Variants in GMPPB observed in about 807,000 individuals in gnomAD.
The protein encoded by GMPPB is GDP-mannose pyrophosphorylase B.
A neutral mutation model predicts 40.3 loss-of-function variants in GMPPB; 38 were observed. The observed-to-expected ratio is 0.94, with a 90% CI of 0.73 to 1.24. The LOEUF (loss-of-function observed/expected upper bound fraction) is 1.24, where lower values mean the gene tolerates loss of function less well. Among genes scored for constraint, GMPPB ranks in the 50% most tolerant of loss-of-function variants. The pLI is 0.00. For synonymous variants in GMPPB, 193 were observed against 191.8 expected, an observed-to-expected ratio of 1.01 and a Z score of -0.05; for missense variants, 436 against 487.1, an observed-to-expected ratio of 0.90 and a Z score of 0.99.
rs781037630 is a variant in GMPPB, at chr3:49,721,710, C to CTGA, written c.*39_*41dup. The CTGA allele has an allele frequency of 6.4e-7, 1 of 1,555,734 alleles. No homozygotes were observed. Among genetic ancestry groups the CTGA allele is most frequent in the Non-Finnish European group, 8.7e-7 (1 of 1,152,394 alleles). On this transcript the variant is annotated 3_prime_UTR_variant, in exon 9 of 9. Transcript: ENST00000308388. ...ATGTGTCAGGCCAGCACTCCCCTTG[C>CTGA]TGATGGGAAAACCGGGGCTCGGCCA...
In GMPPB at chr3:49,723,810, G is replaced by T; in HGVS notation, c.-84C>A. On this transcript the variant is annotated 5_prime_UTR_variant, in exon 1 of 9. Coordinates refer to ENST00000308388, the MANE Select transcript of GMPPB (RefSeq NM_021971.4). Reference sequence around the variant, plus strand: ...CCGGTCCCTGCCGCGCACTCCCAACGCCGTGCCCGGCCCCGCGCCCTTCAC... The same window carrying T: ...CCGGTCCCTGCCGCGCACTCCCAACTCCGTGCCCGGCCCCGCGCCCTTCAC... 1.4e-6 allele frequency: 2 copies of T among 1,424,098 alleles called. No individual in the cohort carries two copies. The highest frequency in any genetic ancestry group is 2.5e-5 in the East Asian group (1 of 40,114). The allele number at this position is 1,424,098 out of a possible 1,614,324, so 88.2% of individuals were successfully genotyped here. A position where few individuals can be genotyped will look rare whatever the true frequency, so the allele number is the denominator to read the frequency against.
In GMPPB at chr3:49,721,753, C is replaced by CA; in HGVS notation, c.1081dup (p.Ter361LeufsTer22). 1 of 1,598,244 alleles carries CA rather than the reference C, an allele frequency of 6.3e-7. No individual in the cohort carries two copies. Among genetic ancestry groups the CA allele is most frequent in the Non-Finnish European group, 8.5e-7 (1 of 1,175,340 alleles). On this transcript the variant is annotated frameshift_variant and stop_lost, in exon 9 of 9. Coordinates refer to ENST00000308388, the MANE Select transcript of GMPPB (RefSeq NM_021971.4). LOFTEE classifies it high-confidence loss of function. ...CTCGGCCAGCCCCACTGCATCCCCT[C>CA]ACATGATGATACGAGGCTCTGGCAC...
chr3:49,723,270 C>T lies in GMPPB; in HGVS notation c.243G>A (p.Glu81=), dbSNP rs771025862. Residue 81 remains glutamate, a synonymous_variant, in exon 3 of 9, where the codon GAG becomes GAA. Transcript: ENST00000308388. ...TCTACTGACCTGTCCCCAAAGGCTC[C>T]TCTTCATGGGACATGGAGATTCGGA... The part of the protein sequence containing the change: ...LGIRISMSHE[E]EPLGTAGPLA... 1.9e-6 allele frequency: 3 copies of T among 1,614,208 alleles called. No individual in the cohort carries two copies. The South Asian group carries it at 3.3e-5, about 18-fold the overall frequency.
At chr3:49,722,895 C>A in intron 4 of GMPPB, 77 bp downstream of exon 4, 2 of 1,541,532 alleles carry the variant, frequency 1.3e-6, no homozygotes, top group South Asian at 1.2e-5. Context: ...CATCCGAAGG[C>A]AGATGAAGGC....
In GMPPB at chr3:49,722,597, T is replaced by C. The variant is rs1300206558; in HGVS notation, c.560A>G (p.Gln187Arg). 6.2e-7 allele frequency: 1 copy of C among 1,613,896 alleles called. No individual in the cohort carries two copies. The highest frequency in any genetic ancestry group is 1.1e-5 in the South Asian group (1 of 91,058). The change falls in exon 5 of 9, where the codon CAG becomes CGG. Residue 187 changes from glutamine to arginine, a missense_variant and splice_region_variant. Coordinates refer to ENST00000308388, the MANE Select transcript of GMPPB (RefSeq NM_021971.4). ...ILSPAVLQRI[Q>R]LQPTSIEKEV... ...CACCAACAGCTGTCTCCTACACACCTGGATGCGCTGCAGCACTGCAGGGCT... is the reference window on the plus strand; with the variant it reads ...CACCAACAGCTGTCTCCTACACACCCGGATGCGCTGCAGCACTGCAGGGCT...
rs752805529 is a variant in GMPPB at position 49,722,679 on chromosome 3, C to T, written c.478G>A (p.Val160Met). 1.7e-5 allele frequency: 28 copies of T among 1,613,822 alleles called. No homozygotes were observed. Among genetic ancestry groups the T allele is most frequent in the East Asian group, 4.5e-5 (2 of 44,904 alleles). Residue 160 changes from valine (V) to methionine (M), a missense_variant, in exon 5 of 9, where the codon GTG becomes ATG. Physicochemically the swap from Val to Met is conservative, Grantham distance 21. Coordinates refer to ENST00000308388, the MANE Select transcript of GMPPB (RefSeq NM_021971.4). Reference protein sequence around the residue: ...EADTGRIHRFVEKPQVFVSNK... With the variant: ...EADTGRIHRFMEKPQVFVSNK... ...GACACAAACACCTGTGGCTTCTCCA[C>T]GAACCGGTGAATGCGGCCTGTGTCA... is the stretch of plus-strand genomic sequence containing the variant.
Position 49,720,938 on chromosome 3 carries a change from T to C in GMPPB, c.*814A>G. On this transcript the variant is annotated 3_prime_UTR_variant, in exon 9 of 9. Transcript: ENST00000308388. ...CACAGGTCCATGCCACTTGAATATGTGTGCACTCCTACACAGGCACAACGG... is the reference window on the plus strand; with the variant it reads ...CACAGGTCCATGCCACTTGAATATGCGTGCACTCCTACACAGGCACAACGG... 6.2e-7 allele frequency: 1 copy of C among 1,611,202 alleles called. No homozygotes were observed.
Position 49,721,851 on chromosome 3 carries a change from C to G in GMPPB, c.984G>C (p.Glu328Asp). ...VRMENVTVLG[E>D]DVIVNDELYL... ...AGAGCTCATCATTAACTATGACGTCCTCACCCAGCACTGTCACGTTCTCCA... is the reference window on the plus strand; with the variant it reads ...AGAGCTCATCATTAACTATGACGTCGTCACCCAGCACTGTCACGTTCTCCA... Residue 328 changes from glutamate to aspartate, a missense_variant, in exon 9 of 9, where the codon GAG becomes GAC. Physicochemically the swap from Glu to Asp is conservative, Grantham distance 45. Coordinates refer to ENST00000308388, the MANE Select transcript of GMPPB (RefSeq NM_021971.4). 6.2e-7 allele frequency: 1 copy of G among 1,613,942 alleles called. No individual in the cohort carries two copies. The highest frequency in any genetic ancestry group is 8.5e-7 in the Non-Finnish European group (1 of 1,179,982).
chr3:49,720,411 G>A lies in GMPPB; in HGVS notation c.*1341C>T. On this transcript the variant is annotated 3_prime_UTR_variant, in exon 9 of 9. Coordinates refer to ENST00000308388, the MANE Select transcript of GMPPB (RefSeq NM_021971.4). ...GAGACGGAAAGGATGCAGGGGGGGT[G>A]ATCATGTACGAGCCATGGCACTCCT... is the stretch of plus-strand genomic sequence containing the variant. 1 of 1,223,982 alleles carries A rather than the reference G, an allele frequency of 8.2e-7. No individual in the cohort carries two copies. The highest frequency in any genetic ancestry group is 1.1e-6 in the Non-Finnish European group (1 of 913,610). 75.8% of individuals were successfully genotyped at this position (1,223,982 alleles called of 1,614,324 possible).
rs1414657728 is a variant in GMPPB, at chr3:49,720,663, C to T, written c.*1089G>A. The T allele has an allele frequency of 1.3e-6, 2 of 1,595,796 alleles. No individual in the cohort carries two copies. Among genetic ancestry groups the T allele is most frequent in the Non-Finnish European group, 1.7e-6 (2 of 1,166,916 alleles). On this transcript the variant is annotated 3_prime_UTR_variant, in exon 9 of 9. Transcript: ENST00000308388. ...TTCTCCCTGCAGAGCTGTGAGTGGG[C>T]TGGTGGGGCAGGTCAGGGAAATCTG...
At position 49,723,815 on chromosome 3, in the gene GMPPB, G is replaced by A; in HGVS notation, c.-89C>T. The A allele has an allele frequency of 2.8e-6, 4 of 1,411,228 alleles. No homozygotes were observed. The highest frequency in any genetic ancestry group is 1.4e-5 in the South Asian group (1 of 69,248). The allele number at this position is 1,411,228 out of a possible 1,614,324, so 87.4% of individuals were successfully genotyped here. On this transcript the variant is annotated 5_prime_UTR_variant, in exon 1 of 9. Transcript: ENST00000308388. ...CCCTGCCGCGCACTCCCAACGCCGT[G>A]CCCGGCCCCGCGCCCTTCACCAACC... is the stretch of plus-strand genomic sequence containing the variant.
At position 49,722,476 on chromosome 3, in the gene GMPPB, G is replaced by C. The variant is rs765573379; in HGVS notation, c.596C>G (p.Pro199Arg). The C allele has an allele frequency of 2.2e-5, 36 of 1,614,050 alleles. No homozygotes were observed. Among genetic ancestry groups the C allele is most frequent in the Non-Finnish European group, 3.0e-5 (35 of 1,180,032 alleles). Residue 199 changes from proline to arginine, a missense_variant, in exon 6 of 9, where the codon CCC becomes CGC. By Grantham distance (103) the Pro-to-Arg change is moderately radical (BLOSUM62 -2). Transcript: ENST00000308388. ...TAGCTGCCCCTCCTTGGCCATAATG[G>C]GGAAGACCTCCTTCTCAATGGACGT... Reference protein sequence around the residue: ...QPTSIEKEVFPIMAKEGQLYA... With the variant: ...QPTSIEKEVFRIMAKEGQLYA...
At chr3:49,722,817 G>T (rs756683883) in intron 4 of GMPPB, 63 bp from the exon 5 acceptor site, 82 of 1,551,914 alleles carry the variant, frequency 5.3e-5, no homozygotes, top group Non-Finnish European at 7.0e-5. Flanking sequence ...TACACATGCC[G>T]TTCCAGATCT....
chr3:49,723,946 G>A lies in GMPPB; in HGVS notation c.-220C>T, dbSNP rs930193729. 1 of 467,082 alleles carries A rather than the reference G, an allele frequency of 2.1e-6. No homozygotes were observed. Among genetic ancestry groups the A allele is most frequent in the Non-Finnish European group, 3.7e-6 (1 of 268,788 alleles). The allele number at this position is 467,082 out of a possible 1,614,324, so 28.9% of individuals were successfully genotyped here. A position where few individuals can be genotyped will look rare whatever the true frequency, so the allele number is the denominator to read the frequency against. On this transcript the variant is annotated 5_prime_UTR_variant, in exon 1 of 9. Coordinates refer to ENST00000308388, the MANE Select transcript of GMPPB (RefSeq NM_021971.4). ...CACCGGGTAGACGGCTGCTGGCCCCGAACTCAGGCCGGACCCGGCGCGGGC... is the reference window on the plus strand; with the variant it reads ...CACCGGGTAGACGGCTGCTGGCCCCAAACTCAGGCCGGACCCGGCGCGGGC...
intron 7 of GMPPB, 39 bp downstream of exon 7, chr3:49,722,192 G>C (rs201000786): frequency 1.9e-6 from 3 of 1,608,464 alleles, no homozygotes; most frequent in South Asian, 2.2e-5. Flanking sequence ...TGTCTCCCAA[G>C]ACTGAGGGGG....
Position 49,721,965 on chromosome 3 carries a change from C to G in GMPPB, c.951G>C (p.Trp317Cys). ...CACCCAGCCCAGCCCACAGGCTTAC[C>G]CACTGACCCACGCGGCAGCGCCAGC... ...IVGWRCRVGQ[W>C]VRMENVTVLG... Residue 317 changes from tryptophan (W) to cysteine (C), a missense_variant and splice_region_variant, in exon 8 of 9, where the codon TGG becomes TGC. Physicochemically the swap from Trp to Cys is radical, Grantham distance 215. Coordinates refer to ENST00000308388, the MANE Select transcript of GMPPB (RefSeq NM_021971.4). 1 of 1,613,076 alleles carries G rather than the reference C, an allele frequency of 6.2e-7. No individual in the cohort carries two copies. The highest frequency in any genetic ancestry group is 8.5e-7 in the Non-Finnish European group (1 of 1,179,564).
chr3:49,721,188 C>T lies in GMPPB; in HGVS notation c.*564G>A. On this transcript the variant is annotated 3_prime_UTR_variant, in exon 9 of 9. Coordinates refer to ENST00000308388, the MANE Select transcript of GMPPB (RefSeq NM_021971.4). ...CTCATCCCCTCCCCTGTTGTAGAGC[C>T]TGTATCAACCAGCACCTGATGAACA... 6.2e-7 allele frequency: 1 copy of T among 1,614,226 alleles called. No individual in the cohort carries two copies. The highest frequency in any genetic ancestry group is 1.1e-5 in the South Asian group (1 of 91,084).
chr3:49,722,987 C>T lies in GMPPB; in HGVS notation c.387G>A (p.Gln129=), dbSNP rs761748300. Residue 129 remains glutamine, a synonymous_variant, in exon 4 of 9, where the codon CAG becomes CAA. Coordinates refer to ENST00000308388, the MANE Select transcript of GMPPB (RefSeq NM_021971.4). The part of the protein sequence containing the change: ...AMVQFHRHHG[Q]EGSILVTKVE... Reference sequence around the variant, plus strand: ...GGCGCCTTACCAGGATGGAGCCCTCCTGGCCATGGTGCCGGTGGAACTGCA... The same window carrying T: ...GGCGCCTTACCAGGATGGAGCCCTCTTGGCCATGGTGCCGGTGGAACTGCA... The T allele has an allele frequency of 1.2e-5, 20 of 1,613,812 alleles. No individual in the cohort carries two copies. In the South Asian group the frequency reaches 1.4e-4, roughly 12 times the overall value.
Position 49,723,475 on chromosome 3 carries a change from G to T in GMPPB, c.130-3C>A, listed in dbSNP as rs775456047. 6.2e-7 allele frequency: 1 copy of T among 1,613,546 alleles called. No homozygotes were observed. The highest frequency in any genetic ancestry group is 8.5e-7 in the Non-Finnish European group (1 of 1,180,038). On this transcript the variant is annotated splice_polypyrimidine_tract_variant and splice_region_variant and intron_variant, in intron 1 of 8. Coordinates refer to ENST00000308388, the MANE Select transcript of GMPPB (RefSeq NM_021971.4). ...AGGATCACGTGGTCCACGCCTGCCT[G>T]TCAGAACGCAGGCCGACGGGCGGGC...
Sources: allele counts gnomAD v4.1 joint callset, GRCh38; gene constraint gnomAD v4.1.1; transcripts MANE v1.5; gene names NCBI Gene and HGNC (gene_info 2026-07-23, HGNC 2026-07-21).